Variants in TESK2 observed in about 807,000 individuals in gnomAD.
The protein encoded by TESK2 is dual specificity testis-specific protein kinase 2.
Under a neutral mutation model 57.1 loss-of-function variants are expected in TESK2, and 39 were observed. The ratio of observed to expected loss-of-function variants is 0.68; its 90% CI spans 0.53 to 0.89. The LOEUF (loss-of-function observed/expected upper bound fraction) is 0.89. TESK2 is among the 40% of genes least tolerant of loss of function. TESK2 has a pLI of 0.00. For synonymous variants in TESK2, 249 were observed against 267.9 expected (o/e 0.93, Z 0.69); for missense variants, 646 against 732.1 (o/e 0.88, Z 1.36).
At chr1:45,438,487 C>A (rs1230243237) in intron 2 of TESK2, among the ~76,000 whole-genome samples, 1 of 152,284 alleles carries the variant, frequency 6.6e-6, no homozygotes, top group East Asian at 1.9e-4. Context: ...CAGAGTAAGA[C>A]TCTGTTAAAA....
chr1:45,489,259 T>C (rs564925550), intron 1 of TESK2, among the ~76,000 whole-genome samples: 3 of 152,374 alleles, frequency 2.0e-5, no homozygotes, highest in South Asian at 4.1e-4. Context: ...AATGCTGTTA[T>C]GTTCTAGTTC....
chr1:45,438,495 AAAT>A (rs1204700389), intron 2 of TESK2, among the ~76,000 whole-genome samples: 1 of 152,192 alleles, frequency 6.6e-6, no homozygotes. Context: ...GACTCTGTTA[AAAT>A]AATATCACAT....
intron 10 of TESK2, 110 bp downstream of exon 10, chr1:45,345,767 A>G: frequency 2.0e-6 from 2 of 998,400 alleles, no homozygotes; most frequent in Non-Finnish European, 3.1e-6. Context: ...TTCCCCTCCC[A>G]TTTGTTTCTG....
intron 3 of TESK2, among the ~76,000 whole-genome samples, chr1:45,391,235 T>TTTTTA (rs1649133287): frequency 6.7e-6 from 1 of 149,422 alleles, no homozygotes; most frequent in African/African-American, 2.5e-5. Context: ...TTTTTTTTTT[T>TTTTTA]GAGACAGGGT....
At chr1:45,405,813 G>T (rs1416413549) in intron 3 of TESK2, among the ~76,000 whole-genome samples, 1 of 151,764 alleles carries the variant, frequency 6.6e-6, no homozygotes, top group Admixed American at 6.6e-5. Context: ...GGCCAAGGCT[G>T]CAGTGAGCCA....
intron 5 of TESK2, among the ~76,000 whole-genome samples, chr1:45,349,747 CT>C (rs1236066510): frequency 3.3e-5 from 5 of 152,210 alleles, no homozygotes; most frequent in Admixed American, 3.3e-4. Flanking sequence ...TTTCATTTGC[CT>C]CTGTATCTGT....
chr1:45,443,103 C>T (rs1231116169), intron 2 of TESK2, among the ~76,000 whole-genome samples: 1 of 147,924 alleles, frequency 6.8e-6, no homozygotes, highest in Non-Finnish European at 1.5e-5. Flanking sequence ...TTCTAAGAAG[C>T]TAAACACACT....
chr1:45,445,233 A>T, intron 2 of TESK2, among the ~76,000 whole-genome samples: 1 of 151,772 alleles, frequency 6.6e-6, no homozygotes, highest in Non-Finnish European at 1.5e-5. Flanking sequence ...GCACTCCCCA[A>T]TCCCTAGCCC....
intron 1 of TESK2, among the ~76,000 whole-genome samples, chr1:45,469,464 T>C (rs892008079): frequency 2.0e-5 from 3 of 152,236 alleles, no homozygotes; most frequent in African/African-American, 7.2e-5. Context: ...TGAGAGATTA[T>C]GACTTCTCCA....
chr1:45,438,937 T>C (rs566506589), intron 2 of TESK2, among the ~76,000 whole-genome samples: 1 of 152,262 alleles, frequency 6.6e-6, no homozygotes, highest in African/African-American at 2.4e-5. Context: ...GAGAAAAGAT[T>C]CACTCTCTAG....
intron 3 of TESK2, among the ~76,000 whole-genome samples, chr1:45,387,880 G>A (rs1648967021): frequency 6.6e-6 from 1 of 152,170 alleles, no homozygotes; most frequent in African/African-American, 2.4e-5. Context: ...GGTAGCAGGT[G>A]CCTGTAGTCC....
intron 2 of TESK2, among the ~76,000 whole-genome samples, chr1:45,454,436 A>T (rs6657237): frequency 0.56 from 84,657 of 151,590 alleles, 24,734 homozygotes; most frequent in African/African-American, 0.74. Flanking sequence ...TTTTTTTATT[A>T]TTTTATTTTA....
intron 3 of TESK2, among the ~76,000 whole-genome samples, chr1:45,407,967 C>T (rs921501358): frequency 4.6e-5 from 7 of 152,182 alleles, no homozygotes; most frequent in Non-Finnish European, 1.0e-4. Flanking sequence ...CCCCACTTCC[C>T]AACATCTCTC....
At chr1:45,375,646 C>T (rs1648388781) in intron 4 of TESK2, among the ~76,000 whole-genome samples, 1 of 152,036 alleles carries the variant, frequency 6.6e-6, no homozygotes, top group African/African-American at 2.4e-5. Context: ...GCCTGTAGTC[C>T]CAGTGCTTTG....
rs77774915 is a variant in TESK2, at chr1:45,440,833, C to T, written c.222+16731G>A. On this transcript the variant is annotated intron_variant, in intron 2 of 10. Coordinates refer to ENST00000372086, the MANE Select transcript of TESK2 (RefSeq NM_007170.3). ...GACTTTAATGAATCAGGCAGCCACA[C>T]TGTGTGCTGTCATAGAGAAAAGGCC... Among the ~76,000 whole-genome samples, 85 of 152,290 alleles carry T rather than the reference C, an allele frequency of 5.6e-4. No homozygotes were observed. In the East Asian group the frequency reaches 0.013, roughly 23 times the overall value.
intron 3 of TESK2, among the ~76,000 whole-genome samples, chr1:45,392,461 G>T (rs533395600): frequency 5.7e-4 from 87 of 151,322 alleles, no homozygotes; most frequent in Non-Finnish European, 1.0e-3. Flanking sequence ...CCAGCACTTT[G>T]CGAGGCAGAA....
chr1:45,344,658 CCT>C lies in TESK2; in HGVS notation c.*180_*181del. The stretch of plus-strand genomic sequence containing the variant: ...CAGCTGTTGGCCCTAACTAGGAAGG[CCT>C]CTCACTGCTGCCTCCCGTCATACAC... On this transcript the variant is annotated 3_prime_UTR_variant, in exon 11 of 11. Transcript: ENST00000372086. 1 of 607,404 alleles carries C rather than the reference CCT, an allele frequency of 1.6e-6. No individual in the cohort carries two copies. Among genetic ancestry groups the C allele is most frequent in the Admixed American group, 3.0e-5 (1 of 33,146 alleles). 37.6% of individuals were successfully genotyped at this position (607,404 alleles called of 1,614,324 possible).
chr1:45,398,726 C>T (rs1447952153), intron 3 of TESK2: 11 of 234,704 alleles, frequency 4.7e-5, no homozygotes, highest in Non-Finnish European at 9.4e-5. Flanking sequence ...CCCCTTTCCT[C>T]CTGAAGTAGA....
At chr1:45,405,295 T>C (rs1649794078) in intron 3 of TESK2, among the ~76,000 whole-genome samples, 1 of 152,144 alleles carries the variant, frequency 6.6e-6, no homozygotes, top group South Asian at 2.1e-4. Flanking sequence ...TTCCCCACAA[T>C]GTCTCCCCAG....
Sources: gnomAD v4.1 joint callset for allele counts (sites outside exome capture counted in the v4.1 genomes callset) on GRCh38, gnomAD v4.1.1 for gene constraint, MANE v1.5 for transcripts, NCBI Gene and HGNC (gene_info 2026-07-23, HGNC 2026-07-21) for gene names.